The following GARIN1B variants were observed in gnomAD, a reference collection of about 807,000 sequenced individuals.
GARIN1B encodes the protein golgi associated RAB2 interactor 1B, also known as Golgi-associated RAB2 interactor protein 1B.
At chr7:128,728,379 G>A in the GARIN1B span, among the ~76,000 whole-genome samples, 1 of 152,048 alleles carries the variant, frequency 6.6e-6, no homozygotes, top group African/African-American at 2.4e-5. Flanking sequence ...GAAAGTGGAG[G>A]TTGCAGTGAG....
At chr7:128,712,712 T>C in the GARIN1B span, among the ~76,000 whole-genome samples, 17 of 152,228 alleles carry the variant, frequency 1.1e-4, no homozygotes, top group Admixed American at 1.0e-3. Flanking sequence ...ACAGTAGTGA[T>C]TGTGGCAGCA....
the GARIN1B span, chr7:128,723,269 G>A: frequency 6.2e-7 from 1 of 1,613,300 alleles, no homozygotes; most frequent in Non-Finnish European, 8.5e-7. Context: ...GGGGGAGAGT[G>A]AAGCCCTGTC....
the GARIN1B span, chr7:128,716,954 A>G: frequency 6.2e-7 from 1 of 1,613,874 alleles, no homozygotes; most frequent in Non-Finnish European, 8.5e-7. Flanking sequence ...GCAGAACCAG[A>G]CATGGAACAG....
chr7:128,717,748 G>GGTTTTTTTT, the GARIN1B span, among the ~76,000 whole-genome samples: 1 of 121,744 alleles, frequency 8.2e-6, no homozygotes, highest in Non-Finnish European at 1.7e-5. Flanking sequence ...TGCCCGGCCA[G>GGTTTTTTTT]GTTTTTTTTG....
At chr7:128,716,754 C>T in the GARIN1B span, 1 of 1,455,388 alleles carries the variant, frequency 6.9e-7, no homozygotes, top group Non-Finnish European at 9.3e-7. Flanking sequence ...AAACCCTGGG[C>T]TGAAACAGAC....
chr7:128,712,576 G>A, the GARIN1B span, among the ~76,000 whole-genome samples: 1 of 152,212 alleles, frequency 6.6e-6, no homozygotes, highest in Non-Finnish European at 1.5e-5. Flanking sequence ...ACAACCAGAT[G>A]TCCTGGTAAT....
chr7:128,730,654 C>CTT, the GARIN1B span, among the ~76,000 whole-genome samples: 14 of 150,162 alleles, frequency 9.3e-5, no homozygotes, highest in East Asian at 7.8e-4. Context: ...ACCACCAACT[C>CTT]TTTTTTTTTT....
chr7:128,717,638 G>T, the GARIN1B span, among the ~76,000 whole-genome samples: 6 of 151,502 alleles, frequency 4.0e-5, no homozygotes, highest in African/African-American at 1.5e-4. Flanking sequence ...ATAGAGACAG[G>T]GTTTCACCAT....
the GARIN1B span, among the ~76,000 whole-genome samples, chr7:128,724,484 T>C: frequency 6.6e-6 from 1 of 152,142 alleles, no homozygotes; most frequent in Non-Finnish European, 1.5e-5. Flanking sequence ...TCTGGAAAGC[T>C]CCATGCTACA....
chr7:128,714,566 C>G, the GARIN1B span, among the ~76,000 whole-genome samples: 1 of 134,402 alleles, frequency 7.4e-6, no homozygotes, highest in South Asian at 2.8e-4. Flanking sequence ...GCAACAAGAG[C>G]GAGACTCCAT....
At chr7:128,731,267 C>T in the GARIN1B span, 3 of 792,368 alleles carry the variant, frequency 3.8e-6, no homozygotes, top group Non-Finnish European at 6.7e-6. Context: ...GCCTTTCCAG[C>T]TGTACATAAC....
the GARIN1B span, chr7:128,723,407 G>A: frequency 6.6e-7 from 1 of 1,514,114 alleles, no homozygotes; most frequent in Non-Finnish European, 9.0e-7. Flanking sequence ...AAATAGCTTG[G>A]TTAATGAGCG....
the GARIN1B span, among the ~76,000 whole-genome samples, chr7:128,718,459 G>A: frequency 1.9e-4 from 29 of 149,118 alleles, no homozygotes; most frequent in Non-Finnish European, 3.0e-4. Context: ...AAGAAAGAAA[G>A]AAAAGAAAAA....
chr7:128,718,656 C>G, the GARIN1B span, among the ~76,000 whole-genome samples: 1 of 152,172 alleles, frequency 6.6e-6, no homozygotes, highest in Non-Finnish European at 1.5e-5. Flanking sequence ...GCATTTTAAA[C>G]AAGCTCAGCA....
At chr7:128,718,735 C>T in the GARIN1B span, 3 of 1,471,852 alleles carry the variant, frequency 2.0e-6, no homozygotes, top group Non-Finnish European at 2.8e-6. Context: ...CCTCCAAAAG[C>T]CTTAGTCCTA....
chr7:128,714,592 A>T, the GARIN1B span, among the ~76,000 whole-genome samples: 28 of 152,104 alleles, frequency 1.8e-4, no homozygotes, highest in Admixed American at 5.9e-4. Context: ...AAAAAAAAAA[A>T]ATTTAGAATT....
chr7:128,710,054 A>C, the GARIN1B span, among the ~76,000 whole-genome samples: 2 of 151,758 alleles, frequency 1.3e-5, no homozygotes, highest in African/African-American at 4.9e-5. Flanking sequence ...AGTAGCTGGG[A>C]CTACAGTTGC....
At chr7:128,719,691 GTTTTGCTTTTTT>G in the GARIN1B span, among the ~76,000 whole-genome samples, 1 of 119,434 alleles carries the variant, frequency 8.4e-6, no homozygotes, top group Non-Finnish European at 1.8e-5. Flanking sequence ...TTTTTGTTTT[GTTTTGCTTTTTT>G]TTTTTTTTTT....
At chr7:128,714,085 A>C in the GARIN1B span, 1 of 1,535,940 alleles carries the variant, frequency 6.5e-7, no homozygotes, top group Non-Finnish European at 8.7e-7. Flanking sequence ...GTGCTGGAGC[A>C]GGGGTGTGAT....
Sources: allele counts gnomAD v4.1 joint callset (sites outside exome capture counted in the v4.1 genomes callset), GRCh38; gene constraint gnomAD v4.1.1; transcripts MANE v1.5; gene names NCBI Gene and HGNC (gene_info 2026-07-23, HGNC 2026-07-21).